The following LGSN variants were observed in gnomAD, a reference collection of about 807,000 sequenced individuals.
LGSN encodes lengsin, lens protein with glutamine synthetase domain, also known as lengsin.
Under a neutral mutation model 19.5 loss-of-function variants are expected in LGSN, and 21 were observed. The observed-to-expected ratio is 1.07, with a 90% CI of 0.76 to 1.55. The LOEUF (loss-of-function observed/expected upper bound fraction) is 1.55, where lower values mean the gene tolerates loss of function less well. Ranked by LOEUF, LGSN falls within the 40% of genes most tolerant of loss-of-function variation. The pLI is 0.00. For synonymous variants in LGSN, 257 were observed against 215.6 expected (o/e 1.19, Z -1.68); for missense variants, 673 against 608.5 (o/e 1.11, Z -1.12).
At chr6:63,409,252 A>T in the LGSN span, among the ~76,000 whole-genome samples, 1 of 152,226 alleles carries the variant, frequency 6.6e-6, no homozygotes, top group African/African-American at 2.4e-5. Flanking sequence ...TGAAACACTT[A>T]GGGATATATC....
chr6:63,361,557 A>T, the LGSN span, among the ~76,000 whole-genome samples: 1 of 151,758 alleles, frequency 6.6e-6, no homozygotes, highest in Non-Finnish European at 1.5e-5. Flanking sequence ...CGTCTGTCAC[A>T]CCTTTCCTTG....
At chr6:63,312,275 C>G (rs1291885006) in intron 1 of LGSN, among the ~76,000 whole-genome samples, 1 of 152,018 alleles carries the variant, frequency 6.6e-6, no homozygotes, top group African/African-American at 2.4e-5. Context: ...GTGTAGATAT[C>G]TCTTCAACAT....
chr6:63,389,543 G>C, the LGSN span, among the ~76,000 whole-genome samples: 1 of 152,190 alleles, frequency 6.6e-6, no homozygotes, highest in African/African-American at 2.4e-5. Context: ...AAAATTTGAA[G>C]GAACTGTGTT....
the LGSN span, chr6:63,549,504 G>T: frequency 6.7e-6 from 5 of 742,840 alleles, no homozygotes; most frequent in Non-Finnish European, 1.2e-5. Context: ...CTTTCCTTTC[G>T]GCAGGAGGAG....
chr6:63,435,921 A>G, the LGSN span, among the ~76,000 whole-genome samples: 1 of 151,528 alleles, frequency 6.6e-6, no homozygotes, highest in Admixed American at 6.6e-5. Context: ...AAAAAAAAAA[A>G]AAAAAAGAAA....
chr6:63,434,478 G>A, the LGSN span, among the ~76,000 whole-genome samples: 1 of 149,866 alleles, frequency 6.7e-6, no homozygotes, highest in East Asian at 1.9e-4. Flanking sequence ...TGACCTTTGG[G>A]CCAGGTGCCG....
the LGSN span, among the ~76,000 whole-genome samples, chr6:63,349,919 G>A: frequency 6.6e-6 from 1 of 152,138 alleles, no homozygotes; most frequent in Non-Finnish European, 1.5e-5. Context: ...GGCATTTAGG[G>A]ATAAGCTGGT....
intron 2 of LGSN, among the ~76,000 whole-genome samples, chr6:63,288,591 C>G (rs984520725): frequency 6.6e-6 from 1 of 152,164 alleles, no homozygotes; most frequent in Non-Finnish European, 1.5e-5. Flanking sequence ...GAGTAGGGTA[C>G]GTGTATTAGT....
the LGSN span, among the ~76,000 whole-genome samples, chr6:63,437,463 C>G: frequency 2.8e-3 from 429 of 152,148 alleles, 2 homozygotes; most frequent in African/African-American, 0.01. Flanking sequence ...ACTCTCTCGC[C>G]CAGGATGGGC....
chr6:63,552,371 TG>T, the LGSN span, among the ~76,000 whole-genome samples: 1 of 152,354 alleles, frequency 6.6e-6, no homozygotes, highest in African/African-American at 2.4e-5. Flanking sequence ...ACCCACTTTT[TG>T]ATGGGGTTGT....
chr6:63,371,301 T>C, the LGSN span, among the ~76,000 whole-genome samples: 2 of 152,190 alleles, frequency 1.3e-5, no homozygotes, highest in Non-Finnish European at 2.9e-5. Context: ...GCAATTCAAG[T>C]CACAAGGCCC....
At chr6:63,450,248 G>A in the LGSN span, among the ~76,000 whole-genome samples, 9 of 150,276 alleles carry the variant, frequency 6.0e-5, no homozygotes, top group Non-Finnish European at 1.3e-4. Flanking sequence ...TGTAATCCCA[G>A]CTACTCAGGA....
At chr6:63,484,752 T>TAACTTCTGAGGTAAA in the LGSN span, among the ~76,000 whole-genome samples, 1 of 152,206 alleles carries the variant, frequency 6.6e-6, no homozygotes, top group Non-Finnish European at 1.5e-5. Flanking sequence ...ACCCAAAGCA[T>TAACTTCTGAGGTAAA]TATACTGGCT....
the LGSN span, among the ~76,000 whole-genome samples, chr6:63,331,684 C>T: frequency 6.6e-6 from 1 of 152,132 alleles, no homozygotes. Context: ...CCCTGCTGAT[C>T]GGAATAGCTG....
chr6:63,285,735 C>T lies in LGSN; in HGVS notation c.182G>A (p.Ser61Asn). 1 of 1,613,994 alleles carries T rather than the reference C, an allele frequency of 6.2e-7. No individual in the cohort carries two copies. The highest frequency in any genetic ancestry group is 8.5e-7 in the Non-Finnish European group (1 of 1,179,918). ...GAGTTGAGGTGGGGTCAAAATTTGACTGCTGTCCCTCATGCAATCTGCAAA... is the reference window on the plus strand; with the variant it reads ...GAGTTGAGGTGGGGTCAAAATTTGATTGCTGTCCCTCATGCAATCTGCAAA... ...SNSNDCMRDSSQILTPPQLSS... is the reference protein window; with the variant it reads ...SNSNDCMRDSNQILTPPQLSS... Residue 61 changes from serine (S) to asparagine (N), a missense_variant, in exon 3 of 4, where the codon AGT (serine) becomes AAT (asparagine). Transcript: ENST00000370657.
At chr6:63,388,117 C>T in the LGSN span, among the ~76,000 whole-genome samples, 1 of 151,772 alleles carries the variant, frequency 6.6e-6, no homozygotes, top group Non-Finnish European at 1.5e-5. Flanking sequence ...CTCAGGTGAC[C>T]TACCTGCTTT....
At chr6:63,412,726 A>C in the LGSN span, among the ~76,000 whole-genome samples, 1 of 41,372 alleles carries the variant, frequency 2.4e-5, no homozygotes, top group Non-Finnish European at 4.6e-5. Context: ...AAGGAAAGAA[A>C]GAAAGAAAGA....
chr6:63,547,469 C>T, the LGSN span, among the ~76,000 whole-genome samples: 4 of 144,224 alleles, frequency 2.8e-5, no homozygotes, highest in South Asian at 4.5e-4. Context: ...GGATTACAGG[C>T]GTCTGCCACC....
At chr6:63,559,786 C>T in the LGSN span, among the ~76,000 whole-genome samples, 11 of 151,998 alleles carry the variant, frequency 7.2e-5, no homozygotes, top group South Asian at 1.7e-3. Flanking sequence ...CAGGCATGGT[C>T]GTTCATGCAT....
Sources: allele counts gnomAD v4.1 joint callset (sites outside exome capture counted in the v4.1 genomes callset), GRCh38; gene constraint gnomAD v4.1.1; transcripts MANE v1.5; gene names NCBI Gene and HGNC (gene_info 2026-07-23, HGNC 2026-07-21).